Variants in CSF2RB observed in about 807,000 individuals in gnomAD.
CSF2RB encodes the protein colony stimulating factor 2 receptor subunit beta.
CSF2RB carries 22 observed loss-of-function variants against 67.2 expected under a neutral mutation model. That is an observed-to-expected ratio of 0.33 (90% confidence interval 0.23 to 0.47). The LOEUF is 0.47. Among genes scored for constraint, CSF2RB ranks in the 20% least tolerant of loss-of-function variants. The probability of loss-of-function intolerance (pLI) is 1.00; values close to 1 mark genes in which losing one functional copy is unlikely to be tolerated. For synonymous variants in CSF2RB, 507 were observed against 482.9 expected, an observed-to-expected ratio of 1.05 and a Z score of -0.65; for missense variants, 1,113 against 1,174.5, an observed-to-expected ratio of 0.95 and a Z score of 0.76.
intron 9 of CSF2RB, among the ~76,000 whole-genome samples, chr22:36,933,114 G>C (rs1337025562): frequency 1.3e-5 from 2 of 152,216 alleles, no homozygotes; most frequent in Non-Finnish European, 2.9e-5. Flanking sequence ...AAGTGGCGTG[G>C]CTTGGCCAAC....
rs1284924117 is a variant in CSF2RB, at chr22:36,935,829, G to T, written c.1464+142G>T. 3.2e-6 allele frequency: 3 copies of T among 924,480 alleles called. No homozygotes were observed. The Admixed American group carries it at 6.4e-5, about 20-fold the overall frequency. 57.3% of individuals were successfully genotyped at this position (924,480 alleles called of 1,614,324 possible). ...CTGGGCTTTGGGAGCTTTGGGAGTG[G>T]GGCCAGCACTTGGAAATTCATTCCC... is the stretch of plus-strand genomic sequence containing the variant. On this transcript the variant is annotated intron_variant, in intron 12 of 13. Coordinates refer to ENST00000403662, the MANE Select transcript of CSF2RB (RefSeq NM_000395.3).
At position 36,937,505 on chromosome 22, in the gene CSF2RB, C is replaced by T. The variant is rs749641959; in HGVS notation, c.1697C>T (p.Pro566Leu). The T allele has an allele frequency of 6.2e-7, 1 of 1,613,936 alleles. No homozygotes were observed. The highest frequency in any genetic ancestry group is 1.1e-5 in the South Asian group (1 of 91,086). ...GCCTCAGATCTACCCACAGAGCAGC[C>T]CCCCAGCCCCCAGCCAGGCCCGCCT... ...PAASDLPTEQ[P>L]PSPQPGPPAA... The change falls in exon 14 of 14, where the codon CCC becomes CTC. Residue 566 changes from proline (P) to leucine (L), a missense_variant. Pro to Leu is a moderately conservative substitution (Grantham distance 98). Coordinates refer to ENST00000403662, the MANE Select transcript of CSF2RB (RefSeq NM_000395.3). The surrounding 1 kb of genome is among the most constrained non-coding windows in gnomAD (Gnocchi z 4.6).
Position 36,930,643 on chromosome 22 carries a change from C to A in CSF2RB, c.855-30C>A, listed in dbSNP as rs201262017. 48 of 1,611,912 alleles carry A rather than the reference C, an allele frequency of 3.0e-5. 1 individual carries two copies. The Admixed American group carries it at 6.2e-4, about 21-fold the overall frequency. On this transcript the variant is annotated intron_variant, in intron 7 of 13. Coordinates refer to ENST00000403662, the MANE Select transcript of CSF2RB (RefSeq NM_000395.3). The stretch of plus-strand genomic sequence containing the variant: ...CCTCCCTCCCGTGTGCCCTCCCTCT[C>A]CCTGCCCTCAGCTCTGCTGTGCTCC...
intron 4 of CSF2RB, among the ~76,000 whole-genome samples, chr22:36,929,129 C>T (rs1004029389): frequency 1.3e-5 from 2 of 152,186 alleles, no homozygotes; most frequent in East Asian, 3.9e-4. Flanking sequence ...ACAGAGGAGG[C>T]TCCAATGAGT....
Position 36,939,198 on chromosome 22 carries a change from G to T in CSF2RB, c.*696G>T. 1.4e-6 allele frequency: 1 copy of T among 702,332 alleles called. No individual in the cohort carries two copies. The highest frequency in any genetic ancestry group is 2.6e-6 in the Non-Finnish European group (1 of 384,818). The allele number at this position is 702,332 out of a possible 1,614,324, so 43.5% of individuals were successfully genotyped here. On this transcript the variant is annotated 3_prime_UTR_variant, in exon 14 of 14. Transcript: ENST00000403662. ...GAGCTTCTGGGGAGCCCTGCTAGTT[G>T]TCTCAGTGATGTCTGTGGGACCTCC...
intron 1 of CSF2RB, among the ~76,000 whole-genome samples, chr22:36,915,511 A>C (rs1272522492): frequency 6.6e-6 from 1 of 151,912 alleles, no homozygotes; most frequent in Non-Finnish European, 1.5e-5. Flanking sequence ...ATACAGATTT[A>C]ACTCGTTAAG....
At position 36,938,177 on chromosome 22, in the gene CSF2RB, A is replaced by C; in HGVS notation, c.2369A>C (p.Lys790Thr). 6.2e-7 allele frequency: 1 copy of C among 1,614,102 alleles called. No homozygotes were observed. Among genetic ancestry groups the C allele is most frequent in the Middle Eastern group, 1.6e-4 (1 of 6,062 alleles). The change falls in exon 14 of 14, where the codon AAA becomes ACA. Residue 790 changes from lysine (K) to threonine (T), a missense_variant. By Grantham distance (78) the Lys-to-Thr change is moderately conservative. Transcript: ENST00000403662. ...PRNNPVPPEA[K>T]SPVLNPGERP... ...AACAATCCTGTCCCCCCTGAGGCCAAAAGCCCTGTCCTGAACCCAGGGGAA... is the reference window on the plus strand; with the variant it reads ...AACAATCCTGTCCCCCCTGAGGCCACAAGCCCTGTCCTGAACCCAGGGGAA...
intron 3 of CSF2RB, among the ~76,000 whole-genome samples, chr22:36,924,280 T>G (rs1202865888): frequency 2.1e-5 from 1 of 46,634 alleles, no homozygotes; most frequent in African/African-American, 8.2e-5. Flanking sequence ...CCCCACCCCC[T>G]TTGCCCACCG....
intron 1 of CSF2RB, among the ~76,000 whole-genome samples, chr22:36,915,422 T>TTATATATATA (rs35022648): frequency 2.5e-4 from 36 of 146,366 alleles, no homozygotes; most frequent in African/African-American, 8.4e-4. Flanking sequence ...ATTATTTTAT[T>TTATATATATA]TATATATATA....
In CSF2RB at chr22:36,938,169, T is replaced by C. The variant is rs150721148; in HGVS notation, c.2361T>C (p.Pro787=). The C allele has an allele frequency of 1.1e-3, 1,701 of 1,614,066 alleles. 1 individual carries two copies. The highest frequency in any genetic ancestry group is 1.3e-3 in the Non-Finnish European group (1,498 of 1,179,982). The stretch of plus-strand genomic sequence containing the variant: ...CACCAAGGAACAATCCTGTCCCCCC[T>C]GAGGCCAAAAGCCCTGTCCTGAACC... The part of the protein sequence containing the change: ...PRSPRNNPVP[P]EAKSPVLNPG... The change falls in exon 14 of 14, where the codon CCT becomes CCC. Residue 787 remains proline, a synonymous_variant. Coordinates refer to ENST00000403662, the MANE Select transcript of CSF2RB (RefSeq NM_000395.3).
chr22:36,937,994 C>T lies in CSF2RB; in HGVS notation c.2186C>T (p.Ser729Phe). The T allele has an allele frequency of 1.9e-6, 3 of 1,614,132 alleles. No homozygotes were observed. Among genetic ancestry groups the T allele is most frequent in the Non-Finnish European group, 2.5e-6 (3 of 1,180,008 alleles). ...CCAAACTCAGGGGCCTCGTCTGTCT[C>T]CCTAGTTCCCTCTCTGGGCCTCCCC... ...FTPNSGASSV[S>F]LVPSLGLPSD... The change falls in exon 14 of 14, where the codon TCC (serine) becomes TTC (phenylalanine). Residue 729 changes from serine (S) to phenylalanine (F), a missense_variant. Coordinates refer to ENST00000403662, the MANE Select transcript of CSF2RB (RefSeq NM_000395.3). This position sits in a 1 kb window ranked among gnomAD's most constrained non-coding sequence, Gnocchi z 4.6.
At chr22:36,922,646 C>G in intron 2 of CSF2RB, 1 of 416,376 alleles carries the variant, frequency 2.4e-6, no homozygotes, top group Middle Eastern at 6.9e-4. Flanking sequence ...CCTGCAGGGC[C>G]TTGGCTGGGG....
Position 36,936,653 on chromosome 22 carries a change from G to T in CSF2RB, c.1568+1G>T. On this transcript the variant is annotated splice_donor_variant, in intron 13 of 13. Coordinates refer to ENST00000403662, the MANE Select transcript of CSF2RB (RefSeq NM_000395.3). LOFTEE classifies it high-confidence loss of function. The stretch of plus-strand genomic sequence containing the variant: ...GCAGCCGCTTCCCTGAGCTGGAGGG[G>T]TGAGTGGGCTCGTGGATCACTCCTG... The T allele has an allele frequency of 6.2e-7, 1 of 1,612,062 alleles. No individual in the cohort carries two copies. The highest frequency in any genetic ancestry group is 8.5e-7 in the Non-Finnish European group (1 of 1,179,070).
In CSF2RB at chr22:36,938,330, C is replaced by T. The variant is rs376607600; in HGVS notation, c.2522C>T (p.Ser841Phe). The T allele has an allele frequency of 5.0e-5, 81 of 1,614,086 alleles. No individual in the cohort carries two copies. The highest frequency in any genetic ancestry group is 6.4e-5 in the Non-Finnish European group (75 of 1,180,038). The stretch of plus-strand genomic sequence containing the variant: ...CTCTCGCTCCGGAGTAAACCTTCTT[C>T]CCCGGGACCCGGTCCTGAGATCAAG... ...GPLSLRSKPS[S>F]PGPGPEIKNL... Residue 841 changes from serine (S) to phenylalanine (F), a missense_variant, in exon 14 of 14, where the codon TCC (serine) becomes TTC (phenylalanine). Ser to Phe is a radical substitution (Grantham distance 155). Around this residue, in one of 2 missense-constraint regions of CSF2RB, gnomAD observed 554 missense variants for 517.9 expected, o/e 1.07. Coordinates refer to ENST00000403662, the MANE Select transcript of CSF2RB (RefSeq NM_000395.3).
intron 4 of CSF2RB, among the ~76,000 whole-genome samples, chr22:36,928,074 C>A (rs891220171): frequency 6.6e-6 from 1 of 152,192 alleles, no homozygotes; most frequent in East Asian, 1.9e-4. Flanking sequence ...CCTCCTGGAG[C>A]CTGTGTTGAG....
Position 36,937,785 on chromosome 22 carries a change from C to G in CSF2RB, c.1977C>G (p.Ser659Arg). 1 of 1,585,898 alleles carries G rather than the reference C, an allele frequency of 6.3e-7. No homozygotes were observed. The highest frequency in any genetic ancestry group is 8.6e-7 in the Non-Finnish European group (1 of 1,166,194). Residue 659 changes from serine to arginine, a missense_variant, in exon 14 of 14, where the codon AGC becomes AGG. Around this residue, in one of 2 missense-constraint regions of CSF2RB, gnomAD observed 554 missense variants for 517.9 expected, o/e 1.07. Transcript: ENST00000403662. The surrounding 1 kb of genome is among the most constrained non-coding windows in gnomAD (Gnocchi z 4.6). The stretch of plus-strand genomic sequence containing the variant: ...CCGTGGAAGTGGAGAGAAGGCCGAG[C>G]CAGGGGGCTGCAGGGAGTCCCTCCC... Reference protein sequence around the residue: ...GQAVEVERRPSQGAAGSPSLE... With the variant: ...GQAVEVERRPRQGAAGSPSLE...
chr22:36,933,807 C>A (rs1376196092), intron 9 of CSF2RB, 25 bp from the exon 10 acceptor site: 1 of 1,596,390 alleles, frequency 6.3e-7, no homozygotes, highest in Non-Finnish European at 8.5e-7. Flanking sequence ...CCGGGCCAGG[C>A]CTCACCCTCA....
At position 36,930,661 on chromosome 22, in the gene CSF2RB, T is replaced by C. The variant is rs539051663; in HGVS notation, c.855-12T>C. The C allele has an allele frequency of 6.2e-7, 1 of 1,612,348 alleles. No individual in the cohort carries two copies. Among genetic ancestry groups the C allele is most frequent in the East Asian group, 2.2e-5 (1 of 44,880 alleles). On this transcript the variant is annotated splice_polypyrimidine_tract_variant and intron_variant, in intron 7 of 13. Transcript: ENST00000403662. ...TCCCTCTCCCTGCCCTCAGCTCTGCTGTGCTCCTCAGGGAGGAAGAGTGCT... is the reference window on the plus strand; with the variant it reads ...TCCCTCTCCCTGCCCTCAGCTCTGCCGTGCTCCTCAGGGAGGAAGAGTGCT...
intron 1 of CSF2RB, among the ~76,000 whole-genome samples, chr22:36,915,362 G>A (rs1350402503): frequency 6.6e-6 from 1 of 151,888 alleles, no homozygotes; most frequent in Non-Finnish European, 1.5e-5. Flanking sequence ...TGGGATTACA[G>A]GCTTGAGCCA....
Sources: allele counts gnomAD v4.1 joint callset (sites outside exome capture counted in the v4.1 genomes callset), GRCh38; gene constraint gnomAD v4.1.1; regional missense constraint gnomAD v4.1.1; non-coding constraint Gnocchi (gnomAD v3.1); transcripts MANE v1.5; gene names NCBI Gene and HGNC (gene_info 2026-07-23, HGNC 2026-07-21).